Variants in SATL1 observed in about 807,000 individuals in gnomAD.
The protein encoded by SATL1 is spermidine/spermine N1-acetyl transferase like 1.
A neutral mutation model predicts 51.8 loss-of-function variants in SATL1; 47 were observed. That is an observed-to-expected ratio of 0.91 (90% CI 0.72 to 1.16). SATL1 has a LOEUF of 1.16. Ranked by LOEUF, SATL1 falls within the 50% of genes most tolerant of loss-of-function variation. The pLI is 0.00. For missense variants in SATL1, 520 were observed against 526.4 expected, an observed-to-expected ratio of 0.99 and a Z score of 0.12; for synonymous variants, 176 against 182.4, an observed-to-expected ratio of 0.97 and a Z score of 0.28.
intron 2 of SATL1, among the ~76,000 whole-genome samples, chrX:85,199,180 A>G (rs1197080870): frequency 9.1e-6 from 1 of 110,072 alleles, no homozygotes; most frequent in Non-Finnish European, 1.9e-5. Flanking sequence ...CACTCCCCCC[A>G]CTACCCTTAG....
At chrX:85,175,538 A>C in intron 2 of SATL1, among the ~76,000 whole-genome samples, 1 of 111,690 alleles carries the variant, frequency 9.0e-6, no homozygotes, top group Non-Finnish European at 1.9e-5. Context: ...TGCAAATCAT[A>C]TTTTATTAAC....
chrX:85,132,731 A>C (rs1458255097), intron 2 of SATL1, among the ~76,000 whole-genome samples: 1 of 110,695 alleles, frequency 9.0e-6, no homozygotes. Context: ...GAGAAGGGGC[A>C]CTCTCGTTTT....
intron 2 of SATL1, among the ~76,000 whole-genome samples, chrX:85,126,841 C>T (rs887559196): frequency 1.9e-5 from 2 of 107,727 alleles, no homozygotes; most frequent in African/African-American, 6.8e-5. Flanking sequence ...AAGTTTTACC[C>T]CCCCCACCAC....
intron 1 of SATL1, among the ~76,000 whole-genome samples, chrX:85,225,113 G>A (rs185478731): frequency 1.0e-3 from 116 of 111,942 alleles, no homozygotes; most frequent in Non-Finnish European, 1.8e-3. Flanking sequence ...CAGAGATTGA[G>A]TTAGGGGGGT....
At chrX:85,219,646 A>C (rs919067976) in intron 2 of SATL1, 1 of 112,321 alleles carries the variant, frequency 8.9e-6, no homozygotes, top group Non-Finnish European at 1.9e-5. Flanking sequence ...TTTATTTGAA[A>C]TATGTAATTT....
intron 2 of SATL1, among the ~76,000 whole-genome samples, chrX:85,127,690 C>T (rs1453331683): frequency 9.0e-6 from 1 of 111,399 alleles, no homozygotes; most frequent in Non-Finnish European, 1.9e-5. Context: ...TACATATGCA[C>T]AACATGCAGG....
intron 2 of SATL1, among the ~76,000 whole-genome samples, chrX:85,147,160 G>C (rs776909170): frequency 3.8e-4 from 44 of 114,777 alleles, no homozygotes; most frequent in Non-Finnish European, 7.6e-4. Flanking sequence ...GGCACACCAG[G>C]AGATTATATC....
chrX:85,110,453 T>C (rs1925234068), intron 2 of SATL1, among the ~76,000 whole-genome samples: 1 of 112,329 alleles, frequency 8.9e-6, no homozygotes, highest in African/African-American at 3.2e-5. Flanking sequence ...CAGAGAACTT[T>C]GGATGAGGCT....
At chrX:85,204,131 A>G (rs1455581439) in intron 2 of SATL1, among the ~76,000 whole-genome samples, 2 of 111,513 alleles carry the variant, frequency 1.8e-5, no homozygotes, top group Non-Finnish European at 3.8e-5. Flanking sequence ...AAGGGTTGCA[A>G]AGATCTGTGG....
intron 2 of SATL1, among the ~76,000 whole-genome samples, chrX:85,114,170 A>G (rs1925329227): frequency 8.9e-6 from 1 of 112,250 alleles, no homozygotes; most frequent in South Asian, 3.7e-4. Context: ...ATTCACAAAC[A>G]GTTTCCAAAT....
At chrX:85,128,687 A>G (rs1341258074) in intron 2 of SATL1, among the ~76,000 whole-genome samples, 8 of 111,635 alleles carry the variant, frequency 7.2e-5, no homozygotes, top group Non-Finnish European at 1.5e-4. Context: ...TTTTGTTGCC[A>G]TTGCTTTTGG....
intron 2 of SATL1, among the ~76,000 whole-genome samples, chrX:85,199,532 T>C (rs1459967372): frequency 1.8e-5 from 2 of 111,872 alleles, no homozygotes; most frequent in Non-Finnish European, 3.8e-5. Context: ...GCAACATAAG[T>C]GTCGGTCAAC....
intron 2 of SATL1, among the ~76,000 whole-genome samples, chrX:85,122,945 A>T (rs184865790): frequency 1.5e-4 from 17 of 111,692 alleles, no homozygotes; most frequent in African/African-American, 5.2e-4. Flanking sequence ...TTTGCTTAGG[A>T]TAATGGCCTC....
intron 2 of SATL1, chrX:85,209,014 G>T: frequency 8.8e-6 from 1 of 113,088 alleles, no homozygotes; most frequent in Non-Finnish European, 1.9e-5. Context: ...TTTCTTCTAG[G>T]GTTTTTATGG....
chrX:85,206,258 T>TA (rs750196287), intron 2 of SATL1, among the ~76,000 whole-genome samples: 11 of 111,565 alleles, frequency 9.9e-5, no homozygotes, highest in African/African-American at 1.6e-4. Flanking sequence ...TTAATGGACT[T>TA]ACGGCCAGAG....
intron 2 of SATL1, among the ~76,000 whole-genome samples, chrX:85,148,557 G>A (rs1397647143): frequency 9.0e-6 from 1 of 110,999 alleles, no homozygotes; most frequent in African/African-American, 3.3e-5. Context: ...GTTAAGGGCA[G>A]CCAGAGAGAA....
chrX:85,236,914 A>G (rs781347740), intron 1 of SATL1, among the ~76,000 whole-genome samples: 2 of 111,678 alleles, frequency 1.8e-5, no homozygotes, highest in Non-Finnish European at 3.8e-5. Flanking sequence ...TGCAGATGCT[A>G]TGATCTTATA....
intron 1 of SATL1, among the ~76,000 whole-genome samples, chrX:85,226,107 T>C (rs774900982): frequency 1.8e-5 from 2 of 111,469 alleles, no homozygotes; most frequent in South Asian, 7.6e-4. Flanking sequence ...CATGCAACTC[T>C]GCACATTATT....
At chrX:85,095,468 T>G (rs1308153103) in intron 4 of SATL1, among the ~76,000 whole-genome samples, 1 of 111,482 alleles carries the variant, frequency 9.0e-6, no homozygotes, top group South Asian at 3.8e-4. Context: ...TGCCCTGTTT[T>G]GTGAGACATT....
Sources: gnomAD v4.1 joint callset for allele counts (sites outside exome capture counted in the v4.1 genomes callset) on GRCh38, gnomAD v4.1.1 for gene constraint, MANE v1.5 for transcripts, NCBI Gene and HGNC (gene_info 2026-07-23, HGNC 2026-07-21) for gene names.